The following SGCZ variants were observed in gnomAD, a reference collection of about 807,000 sequenced individuals.
The protein encoded by SGCZ is sarcoglycan zeta, also known as zeta-sarcoglycan.
Under a neutral mutation model 41.3 loss-of-function variants are expected in SGCZ, and 40 were observed. The observed-to-expected ratio is 0.97, with a 90% CI of 0.75 to 1.26. The LOEUF (loss-of-function observed/expected upper bound fraction) is 1.26. Ranked by LOEUF, SGCZ falls within the 50% of genes most tolerant of loss-of-function variation. The pLI, the probability that SGCZ is intolerant of heterozygous loss-of-function variation, is 0.00. For synonymous variants in SGCZ, 206 were observed against 137.5 expected (o/e 1.50, Z -3.49); for missense variants, 552 against 369.8 (o/e 1.49, Z -4.04).
chr8:14,260,682 G>C (rs937515557), intron 3 of SGCZ, among the ~76,000 whole-genome samples: 1 of 152,066 alleles, frequency 6.6e-6, no homozygotes, highest in African/African-American at 2.4e-5. Flanking sequence ...CAATAGCAAA[G>C]ACTTAGAACC....
At chr8:14,974,474 C>T (rs1327909642) in intron 1 of SGCZ, among the ~76,000 whole-genome samples, 4 of 152,154 alleles carry the variant, frequency 2.6e-5, no homozygotes, top group Non-Finnish European at 1.5e-5. Context: ...ACCTGATGAG[C>T]ATTTCCTAGG....
intron 4 of SGCZ, among the ~76,000 whole-genome samples, chr8:14,230,520 G>T (rs564480303): frequency 6.6e-6 from 1 of 152,150 alleles, no homozygotes; most frequent in South Asian, 2.1e-4. Context: ...TGACAGATCT[G>T]GGATTTAGCA....
rs183863578 is a variant in SGCZ at position 14,666,629 on chromosome 8, T to G, written c.40-111703A>C. Among the ~76,000 whole-genome samples the G allele has an allele frequency of 2.0e-5, 3 of 151,552 alleles. No individual in the cohort carries two copies. The East Asian group carries it at 5.8e-4, about 30-fold the overall frequency. On this transcript the variant is annotated intron_variant, in intron 1 of 7. Coordinates refer to ENST00000382080, the MANE Select transcript of SGCZ (RefSeq NM_139167.4). ...TGGAACTGAGAAGGAGAGCACAAGT[T>G]ATTTTCTCAGTACCCTAATAGAGAG...
intron 1 of SGCZ, among the ~76,000 whole-genome samples, chr8:15,047,987 T>C (rs1310515150): frequency 6.6e-6 from 1 of 151,978 alleles, no homozygotes; most frequent in Non-Finnish European, 1.5e-5. Context: ...CTACTGGATA[T>C]ATATGCAATG....
At chr8:14,889,312 A>T (rs911655191) in intron 1 of SGCZ, among the ~76,000 whole-genome samples, 63 of 152,138 alleles carry the variant, frequency 4.1e-4, no homozygotes, top group Non-Finnish European at 5.0e-4. Flanking sequence ...AAATGTAGAT[A>T]GATAAAAATC....
intron 1 of SGCZ, among the ~76,000 whole-genome samples, chr8:14,847,126 A>AG (rs1554510853): frequency 2.4e-5 from 3 of 126,362 alleles, no homozygotes; most frequent in African/African-American, 9.1e-5. Flanking sequence ...GAAGAAGAAG[A>AG]AAGAAGAAGA....
chr8:14,440,193 T>C (rs1012994098), intron 2 of SGCZ, among the ~76,000 whole-genome samples: 1 of 152,014 alleles, frequency 6.6e-6, no homozygotes, highest in African/African-American at 2.4e-5. Context: ...TTTTAAAATT[T>C]TTTGCCTATA....
At chr8:14,972,815 A>G (rs1233576631) in intron 1 of SGCZ, among the ~76,000 whole-genome samples, 2 of 152,198 alleles carry the variant, frequency 1.3e-5, no homozygotes, top group Non-Finnish European at 2.9e-5. Context: ...TATTGTAGTC[A>G]TACAAATTAA....
intron 1 of SGCZ, among the ~76,000 whole-genome samples, chr8:14,754,276 A>G (rs1799589231): frequency 6.6e-6 from 1 of 152,194 alleles, no homozygotes. Context: ...TAGGCCTCAA[A>G]GAAGACTACA....
intron 2 of SGCZ, among the ~76,000 whole-genome samples, chr8:14,479,121 T>A (rs1482133387): frequency 2.0e-5 from 3 of 152,130 alleles, no homozygotes; most frequent in East Asian, 3.9e-4. Context: ...AGTCCCACGA[T>A]AGGCCATCAG....
At chr8:14,286,853 G>A (rs1800652354) in intron 3 of SGCZ, among the ~76,000 whole-genome samples, 1 of 151,990 alleles carries the variant, frequency 6.6e-6, no homozygotes, top group African/African-American at 2.4e-5. Flanking sequence ...ATTCCCATTA[G>A]TACTTTTTGA....
chr8:14,099,593 C>A (rs931089540), intron 7 of SGCZ, among the ~76,000 whole-genome samples: 2 of 152,030 alleles, frequency 1.3e-5, no homozygotes, highest in Admixed American at 1.3e-4. Flanking sequence ...GGAATGGTGG[C>A]AGGTGCCTGT....
chr8:15,003,561 G>C (rs1439723127), intron 1 of SGCZ, among the ~76,000 whole-genome samples: 1 of 152,106 alleles, frequency 6.6e-6, no homozygotes, highest in Non-Finnish European at 1.5e-5. Context: ...AGTAGAAAAT[G>C]GAATGTGTTG....
chr8:14,162,192 A>C (rs963311486), intron 5 of SGCZ, among the ~76,000 whole-genome samples: 3 of 152,182 alleles, frequency 2.0e-5, no homozygotes, highest in Admixed American at 2.0e-4. Context: ...AGGTAATACA[A>C]ATATCAGAAG....
chr8:15,181,996 T>C (rs770034670), intron 1 of SGCZ, among the ~76,000 whole-genome samples: 2 of 152,184 alleles, frequency 1.3e-5, no homozygotes, highest in African/African-American at 4.8e-5. Context: ...GGGTAAGCCA[T>C]AGAATGGTGC....
chr8:14,526,145 G>T (rs1389260484), intron 2 of SGCZ, among the ~76,000 whole-genome samples: 3 of 152,058 alleles, frequency 2.0e-5, no homozygotes, highest in African/African-American at 7.2e-5. Context: ...CTAATTAATG[G>T]TTTTTATCAC....
chr8:14,944,576 T>G (rs1157087395), intron 1 of SGCZ, among the ~76,000 whole-genome samples: 1 of 152,200 alleles, frequency 6.6e-6, no homozygotes, highest in African/African-American at 2.4e-5. Flanking sequence ...GAATGCAGTT[T>G]ACTAGTAAAA....
chr8:14,122,017 G>A (rs991294369), intron 5 of SGCZ, among the ~76,000 whole-genome samples: 2 of 152,174 alleles, frequency 1.3e-5, no homozygotes, highest in Non-Finnish European at 2.9e-5. Flanking sequence ...TGTAGCTCAC[G>A]CCTGTAATCC....
chr8:14,222,280 C>G (rs1806223680), intron 4 of SGCZ, among the ~76,000 whole-genome samples: 3 of 151,850 alleles, frequency 2.0e-5, no homozygotes, highest in South Asian at 4.2e-4. Context: ...AAGCAATTAT[C>G]TGCCTCAGCC....
Sources: gnomAD v4.1 joint callset for allele counts (sites outside exome capture counted in the v4.1 genomes callset) on GRCh38, gnomAD v4.1.1 for gene constraint, MANE v1.5 for transcripts, NCBI Gene and HGNC (gene_info 2026-07-23, HGNC 2026-07-21) for gene names.